The following CYB5A variants were observed in gnomAD, a reference collection of about 807,000 sequenced individuals.
The protein encoded by CYB5A is cytochrome b5.
CYB5A carries 10 observed loss-of-function variants against 16.2 expected under a neutral mutation model. The ratio of observed to expected loss-of-function variants is 0.62; its 90% CI spans 0.38 to 1.04. CYB5A has a LOEUF of 1.04. Ranked by LOEUF, CYB5A falls within the 50% of genes least tolerant of loss-of-function variation. CYB5A has a pLI of 0.01. For missense variants in CYB5A, 161 were observed against 165.9 expected, an observed-to-expected ratio of 0.97 and a Z score of 0.16; for synonymous variants, 62 against 57.0, an observed-to-expected ratio of 1.09 and a Z score of -0.40.
intron 1 of CYB5A, among the ~76,000 whole-genome samples, chr18:74,287,000 T>C (rs1983344905): frequency 1.3e-5 from 2 of 152,100 alleles, no homozygotes; most frequent in Non-Finnish European, 2.9e-5. Context: ...CCAAAAAATA[T>C]AGAGATATAT....
intron 1 of CYB5A, among the ~76,000 whole-genome samples, chr18:74,291,511 C>T (rs1158817992): frequency 6.7e-6 from 1 of 148,516 alleles, no homozygotes; most frequent in African/African-American, 2.5e-5. Context: ...GGGGAGCGCT[C>T]CCAGGTGTGA....
chr18:74,256,759 A>T, intron 3 of CYB5A: 1 of 1,411,778 alleles, frequency 7.1e-7, no homozygotes, highest in Non-Finnish European at 1.0e-6. Context: ...AAAGCACGTT[A>T]GAGAAACTCC....
chr18:74,277,179 T>C (rs1166657976), intron 1 of CYB5A, among the ~76,000 whole-genome samples: 1 of 152,186 alleles, frequency 6.6e-6, no homozygotes, highest in African/African-American at 2.4e-5. Context: ...TAGAATAAGA[T>C]AACAAGATGC....
At chr18:74,291,453 C>T (rs1362690636) in intron 1 of CYB5A, among the ~76,000 whole-genome samples, 3 of 136,182 alleles carry the variant, frequency 2.2e-5, no homozygotes, top group African/African-American at 8.1e-5. Context: ...CGCAGGTGTG[C>T]GGACTCGAGG....
intron 1 of CYB5A, among the ~76,000 whole-genome samples, chr18:74,278,813 T>C (rs533493049): frequency 4.5e-4 from 69 of 152,356 alleles, no homozygotes; most frequent in African/African-American, 1.5e-3. Context: ...AGAACTGAAT[T>C]AGTAAATGTT....
intron 1 of CYB5A, among the ~76,000 whole-genome samples, chr18:74,290,722 C>A (rs1398120346): frequency 1.3e-5 from 2 of 152,164 alleles, no homozygotes; most frequent in Non-Finnish European, 2.9e-5. Context: ...CGTGAGCATG[C>A]GTTAAGATTT....
rs1203355897 is a variant in CYB5A, at chr18:74,291,867, C to T, written c.9G>A (p.Glu3=). Residue 3 remains glutamate, a synonymous_variant, in exon 1 of 5, where the codon GAG becomes GAA. Transcript: ENST00000340533. MA[E]QSDEAVKYYT... ...AGTACTTCACGGCCTCGTCCGACTG[C>T]TCTGCCATCTCGGTTCGCCGCGAGC... 11 of 1,612,648 alleles carry T rather than the reference C, an allele frequency of 6.8e-6. No individual in the cohort carries two copies. The Middle Eastern group carries it at 8.2e-4, about 121-fold the overall frequency.
At chr18:74,267,900 A>T (rs73482432) in intron 1 of CYB5A, among the ~76,000 whole-genome samples, 4,114 of 152,214 alleles carry the variant, frequency 0.027, 123 homozygotes, top group African/African-American at 0.079. Context: ...GCCCAGAGAG[A>T]GGGAGAAAGG....
chr18:74,256,737 G>T (rs1475712999), intron 3 of CYB5A: 2 of 1,144,308 alleles, frequency 1.7e-6, no homozygotes, highest in Non-Finnish European at 2.6e-6. Context: ...AGTAAGGCAA[G>T]CATCACTCTG....
rs145656581 is a variant in CYB5A at position 74,253,606 on chromosome 18, C to A, written c.383G>T (p.Arg128Leu). Reference sequence around the variant, plus strand: ...TGTTCAGTCCTCTGCCATGTATAGGCGATACATCAAGGCGACGGCCACTGC... The same window carrying A: ...TGTTCAGTCCTCTGCCATGTATAGGAGATACATCAAGGCGACGGCCACTGC... ...ISAVAVALMY[R>L]LYMAED The change falls in exon 5 of 5, where the codon CGC becomes CTC. Residue 128 changes from arginine (R) to leucine (L), a missense_variant. By Grantham distance (102) the Arg-to-Leu change is moderately radical (BLOSUM62 -2). Coordinates refer to ENST00000340533, the MANE Select transcript of CYB5A (RefSeq NM_148923.4). The A allele has an allele frequency of 6.2e-7, 1 of 1,612,884 alleles. No homozygotes were observed. The highest frequency in any genetic ancestry group is 8.5e-7 in the Non-Finnish European group (1 of 1,179,146).
intron 1 of CYB5A, among the ~76,000 whole-genome samples, chr18:74,285,843 CAA>C (rs58176740): frequency 0.23 from 16,128 of 70,314 alleles, 1,163 homozygotes; most frequent in African/African-American, 0.3. Flanking sequence ...GACCCCATCT[CAA>C]AAAAAAAAAA....
intron 1 of CYB5A, among the ~76,000 whole-genome samples, chr18:74,281,819 A>AGG (rs1179274425): frequency 3.0e-5 from 4 of 131,918 alleles, no homozygotes; most frequent in East Asian, 2.4e-4. Context: ...GCAGGAGAGG[A>AGG]GGGTGTGTGT....
intron 1 of CYB5A, among the ~76,000 whole-genome samples, chr18:74,268,155 G>A (rs560018605): frequency 7.8e-4 from 119 of 152,352 alleles, no homozygotes; most frequent in African/African-American, 2.5e-3. Flanking sequence ...GTTCACAGCC[G>A]GAGAGATGAA....
At chr18:74,275,920 G>C (rs745316769) in intron 1 of CYB5A, among the ~76,000 whole-genome samples, 1 of 152,172 alleles carries the variant, frequency 6.6e-6, no homozygotes. Flanking sequence ...GGGAGGACCC[G>C]GCGGTGCGCA....
intron 1 of CYB5A, chr18:74,290,739 G>A (rs1983500439): frequency 6.6e-6 from 1 of 152,208 alleles, no homozygotes. Flanking sequence ...ATTTATGATT[G>A]AGACTCCCCC....
At chr18:74,256,741 C>T in intron 3 of CYB5A, 1 of 1,204,838 alleles carries the variant, frequency 8.3e-7, no homozygotes, top group Non-Finnish European at 1.2e-6. Flanking sequence ...AGGCAAGCAT[C>T]ACTCTGCAAA....
chr18:74,286,509 T>C (rs1329832606), intron 1 of CYB5A, among the ~76,000 whole-genome samples: 1 of 152,202 alleles, frequency 6.6e-6, no homozygotes, highest in Non-Finnish European at 1.5e-5. Flanking sequence ...TCTCTACATA[T>C]TTTTTCCAGT....
chr18:74,281,822 G>C (rs1003794799), intron 1 of CYB5A, among the ~76,000 whole-genome samples: 1 of 114,992 alleles, frequency 8.7e-6, no homozygotes, highest in African/African-American at 5.2e-5. Flanking sequence ...GGAGAGGAGG[G>C]TGTGTGTGTG....
At chr18:74,280,677 T>C (rs932343940) in intron 1 of CYB5A, among the ~76,000 whole-genome samples, 1 of 152,208 alleles carries the variant, frequency 6.6e-6, no homozygotes, top group Non-Finnish European at 1.5e-5. Flanking sequence ...GTTTATGTTT[T>C]TGGTTATTGA....
Sources: gnomAD v4.1 joint callset for allele counts (sites outside exome capture counted in the v4.1 genomes callset) on GRCh38, gnomAD v4.1.1 for gene constraint, MANE v1.5 for transcripts, NCBI Gene and HGNC (gene_info 2026-07-23, HGNC 2026-07-21) for gene names.